Variants in SHC3 observed in about 807,000 individuals in gnomAD.
SHC3 encodes SHC adaptor protein 3, also known as SHC-transforming protein 3.
In SHC3, 15 loss-of-function variants were observed where a neutral mutation model predicts 60.4. That is an observed-to-expected ratio of 0.25 (90% CI 0.17 to 0.38). SHC3 has a LOEUF of 0.38. Among genes scored for constraint, SHC3 ranks in the 10% least tolerant of loss-of-function variants. The probability of loss-of-function intolerance (pLI) is 1.00; values close to 1 mark genes in which losing one functional copy is unlikely to be tolerated. For missense variants in SHC3, 677 were observed against 786.1 expected (o/e 0.86, Z 1.66); for synonymous variants, 294 against 325.9 (o/e 0.90, Z 1.05).
At chr9:89,133,271 G>A (rs1826275301) in intron 1 of SHC3, among the ~76,000 whole-genome samples, 1 of 152,208 alleles carries the variant, frequency 6.6e-6, no homozygotes, top group African/African-American at 2.4e-5. Context: ...ACAGGTGCTA[G>A]AGAGGATGTG....
At chr9:89,030,082 C>T (rs1234073817) in intron 11 of SHC3, among the ~76,000 whole-genome samples, 1 of 151,742 alleles carries the variant, frequency 6.6e-6, no homozygotes. Context: ...ATACTAATAC[C>T]AGATAAAATA....
intron 2 of SHC3, among the ~76,000 whole-genome samples, chr9:89,098,976 T>C (rs941943972): frequency 6.6e-6 from 1 of 151,974 alleles, no homozygotes; most frequent in South Asian, 2.1e-4. Context: ...TGTCTCAAAA[T>C]AAATAAATAA....
At chr9:89,045,875 C>T in intron 8 of SHC3, 42 bp from the exon 9 acceptor site, 3 of 1,594,190 alleles carry the variant, frequency 1.9e-6, no homozygotes, top group Non-Finnish European at 2.6e-6. Context: ...AAATTATTTT[C>T]TTCTCATTTC....
At chr9:89,113,524 A>T (rs569537894) in intron 1 of SHC3, among the ~76,000 whole-genome samples, 1 of 152,300 alleles carries the variant, frequency 6.6e-6, no homozygotes, top group Non-Finnish European at 1.5e-5. Flanking sequence ...CATTTGAATT[A>T]TTTAGAAAAT....
intron 8 of SHC3, 64 bp downstream of exon 8, chr9:89,046,780 A>G (rs1015969410): frequency 6.4e-5 from 89 of 1,398,396 alleles, no homozygotes; most frequent in Non-Finnish European, 8.2e-5. Flanking sequence ...ACCAAAGAAA[A>G]CAAAAGGAAA....
At chr9:89,021,411 C>G (rs557954950) in intron 11 of SHC3, among the ~76,000 whole-genome samples, 7 of 152,326 alleles carry the variant, frequency 4.6e-5, no homozygotes, top group African/African-American at 1.7e-4. Flanking sequence ...AATGTCCCCA[C>G]AGCCATGACC....
intron 6 of SHC3, among the ~76,000 whole-genome samples, chr9:89,053,927 G>A (rs374597435): frequency 3.9e-5 from 6 of 152,186 alleles, no homozygotes; most frequent in Non-Finnish European, 5.9e-5. Context: ...CCTGTGCCAC[G>A]CCCCTCCCGG....
chr9:89,022,229 C>A (rs1330625019), intron 11 of SHC3, among the ~76,000 whole-genome samples: 1 of 151,672 alleles, frequency 6.6e-6, no homozygotes, highest in Non-Finnish European at 1.5e-5. Context: ...GCGGTCCTGT[C>A]GGGGCTCCAG....
intron 5 of SHC3, among the ~76,000 whole-genome samples, chr9:89,066,974 C>G (rs906606957): frequency 6.6e-6 from 1 of 152,198 alleles, no homozygotes. Context: ...AACAAGACCA[C>G]ACCAGTGTAG....
chr9:89,033,179 T>A (rs771768412), intron 11 of SHC3, among the ~76,000 whole-genome samples: 32 of 152,208 alleles, frequency 2.1e-4, no homozygotes, highest in Non-Finnish European at 4.0e-4. Context: ...ATTCATACCC[T>A]CTTTATCTGC....
rs562169729 is a variant in SHC3, at chr9:89,055,308, G to A, written c.836-3145C>T. On this transcript the variant is annotated intron_variant, in intron 6 of 11. Transcript: ENST00000375835. ...GGCTTGGCGCTCAGGACTGGCCCCC[G>A]GCCATCTGCCTGCTGCAACAGGGCA... Among the ~76,000 whole-genome samples the A allele has an allele frequency of 2.0e-4, 30 of 152,356 alleles. No individual in the cohort carries two copies. The South Asian group carries it at 5.2e-3, about 26-fold the overall frequency.
chr9:89,137,060 A>T (rs1475430916), intron 1 of SHC3, among the ~76,000 whole-genome samples: 1 of 152,070 alleles, frequency 6.6e-6, no homozygotes, highest in African/African-American at 2.4e-5. Flanking sequence ...TATACCTTTA[A>T]ACAACCAGAT....
intron 1 of SHC3, among the ~76,000 whole-genome samples, chr9:89,133,669 C>T (rs944057902): frequency 6.6e-6 from 1 of 152,008 alleles, no homozygotes; most frequent in Non-Finnish European, 1.5e-5. Context: ...GGACAGAAAA[C>T]CAAATACTGC....
At chr9:89,130,933 C>T (rs1439597588) in intron 1 of SHC3, among the ~76,000 whole-genome samples, 11 of 151,984 alleles carry the variant, frequency 7.2e-5, no homozygotes, top group Non-Finnish European at 1.2e-4. Flanking sequence ...GAGATAGAGA[C>T]ATAAAAAACC....
rs746328035 is a variant in SHC3, at chr9:89,071,230, C to T, written c.752G>A (p.Arg251Gln). The T allele has an allele frequency of 1.2e-5, 19 of 1,613,950 alleles. No individual in the cohort carries two copies. Among genetic ancestry groups the T allele is most frequent in the Admixed American group, 5.0e-5 (3 of 60,000 alleles). The change falls in exon 5 of 12, where the codon CGG (arginine) becomes CAG (glutamine). Residue 251 changes from arginine to glutamine, a missense_variant. Coordinates refer to ENST00000375835, the MANE Select transcript of SHC3 (RefSeq NM_016848.6). ...SKQIIANHHM[R>Q]SISFASGGDP... ...TCCCCCAGAGGCGAAGGAGATGGACCGCATGTGGTGATTCGCTATGATCTG... is the reference window on the plus strand; with the variant it reads ...TCCCCCAGAGGCGAAGGAGATGGACTGCATGTGGTGATTCGCTATGATCTG...
chr9:89,153,175 G>T (rs924250675), intron 1 of SHC3, among the ~76,000 whole-genome samples: 1 of 152,172 alleles, frequency 6.6e-6, no homozygotes, highest in African/African-American at 2.4e-5. Context: ...AGGGGTCCTT[G>T]AAATTATTTT....
intron 2 of SHC3, among the ~76,000 whole-genome samples, chr9:89,108,659 A>G (rs1487184078): frequency 6.6e-6 from 1 of 152,228 alleles, no homozygotes; most frequent in African/African-American, 2.4e-5. Context: ...AGATCTAAGG[A>G]AGCCCATGAA....
chr9:89,094,296 T>C (rs1825668445), intron 2 of SHC3, among the ~76,000 whole-genome samples: 1 of 152,052 alleles, frequency 6.6e-6, no homozygotes, highest in Non-Finnish European at 1.5e-5. Flanking sequence ...GAACAGGAAT[T>C]GGCCATTTTT....
intron 1 of SHC3, among the ~76,000 whole-genome samples, chr9:89,127,405 G>T (rs1456303315): frequency 6.6e-6 from 1 of 152,114 alleles, no homozygotes; most frequent in Non-Finnish European, 1.5e-5. Flanking sequence ...TTAAAAGTCA[G>T]CTTAATTTAA....
Sources: allele counts gnomAD v4.1 joint callset (sites outside exome capture counted in the v4.1 genomes callset), GRCh38; gene constraint gnomAD v4.1.1; transcripts MANE v1.5; gene names NCBI Gene and HGNC (gene_info 2026-07-23, HGNC 2026-07-21).